MAPK8IP3: variants seen among roughly 807,000 people sequenced by gnomAD.
MAPK8IP3 encodes the protein C-Jun-amino-terminal kinase-interacting protein 3.
Under a neutral mutation model 157.8 loss-of-function variants are expected in MAPK8IP3, and 49 were observed. The ratio of observed to expected loss-of-function variants is 0.31; its 90% CI spans 0.25 to 0.39. MAPK8IP3 has a LOEUF of 0.39. Ranked by LOEUF, MAPK8IP3 falls within the 10% of genes least tolerant of loss-of-function variation. MAPK8IP3 has a pLI of 1.00. For synonymous variants in MAPK8IP3, 897 were observed against 777.7 expected, an observed-to-expected ratio of 1.15 and a Z score of -2.55; for missense variants, 1,478 against 1,889.4, an observed-to-expected ratio of 0.78 and a Z score of 4.04.
chr16:1,736,154 C>CCGTCCGTGTGAG (rs1263303306), intron 4 of MAPK8IP3, among the ~76,000 whole-genome samples: 2 of 113,372 alleles, frequency 1.8e-5, no homozygotes, highest in African/African-American at 6.9e-5. Flanking sequence ...ATCTGTGTGA[C>CCGTCCGTGTGAG]CGTCCGTGTG....
Position 1,769,066 on chromosome 16 carries a change from C to T in MAPK8IP3, c.*242C>T. 3.6e-6 allele frequency: 2 copies of T among 557,376 alleles called. No individual in the cohort carries two copies. Among genetic ancestry groups the T allele is most frequent in the Non-Finnish European group, 6.4e-6 (2 of 312,154 alleles). 34.5% of individuals were successfully genotyped at this position (557,376 alleles called of 1,614,324 possible). On this transcript the variant is annotated 3_prime_UTR_variant, in exon 32 of 32. Coordinates refer to ENST00000610761, the MANE Select transcript of MAPK8IP3 (RefSeq NM_001318852.2). Reference sequence around the variant, plus strand: ...GCTCTCGGGACAGTTTCCCGGGCAGCTCCTGGCCAGCTTCCAGCCCAGAGT... The same window carrying T: ...GCTCTCGGGACAGTTTCCCGGGCAGTTCCTGGCCAGCTTCCAGCCCAGAGT...
chr16:1,747,700 C>T (rs2041050422), intron 6 of MAPK8IP3, among the ~76,000 whole-genome samples: 1 of 152,190 alleles, frequency 6.6e-6, no homozygotes, highest in Non-Finnish European at 1.5e-5. Flanking sequence ...CACCCCACGG[C>T]ACACAGCCCC....
chr16:1,729,692 G>T, intron 4 of MAPK8IP3, 114 bp downstream of exon 4: 1 of 994,730 alleles, frequency 1.0e-6, no homozygotes, highest in Non-Finnish European at 1.5e-6. Context: ...CTGGGCTCAG[G>T]ACGACAGGGA....
Position 1,768,287 on chromosome 16 carries a change from C to A in MAPK8IP3, c.3651C>A (p.Ala1217=), listed in dbSNP as rs776248630. Residue 1217 remains alanine (A), a synonymous_variant, in exon 30 of 32, where the codon GCC becomes GCA. Coordinates refer to ENST00000610761, the MANE Select transcript of MAPK8IP3 (RefSeq NM_001318852.2). ...GCGATGACAGCAGTGACAGGGCGGC[C>A]AGCAGCTTCATCCCCTACTGCTCCA... ...VYGDDSSDRA[A]SSFIPYCSMA... is the part of the protein sequence containing the mutation. 6.2e-7 allele frequency: 1 copy of A among 1,611,224 alleles called. No individual in the cohort carries two copies. The highest frequency in any genetic ancestry group is 8.5e-7 in the Non-Finnish European group (1 of 1,179,998).
At chr16:1,758,281 G>A (rs1195005630) in intron 9 of MAPK8IP3, 122 bp downstream of exon 9, 13 of 1,156,802 alleles carry the variant, frequency 1.1e-5, no homozygotes, top group African/African-American at 6.1e-5. Context: ...TCGCCGCAGC[G>A]CCTCTGCTTC....
intron 10 of MAPK8IP3, 124 bp downstream of exon 10, chr16:1,759,119 G>A (rs1473115634): frequency 4.6e-6 from 6 of 1,301,068 alleles, no homozygotes; most frequent in Middle Eastern, 1.8e-4. Flanking sequence ...GGTCAGGGGG[G>A]CAGCCCTGAG....
intron 4 of MAPK8IP3, among the ~76,000 whole-genome samples, chr16:1,730,640 G>T (rs747423622): frequency 3.3e-5 from 5 of 151,930 alleles, no homozygotes; most frequent in Non-Finnish European, 4.4e-5. Context: ...TCAGGAGATC[G>T]AGACCATCCT....
rs1391309906 is a variant in MAPK8IP3, at chr16:1,769,890, C to G, written c.*1066C>G. On this transcript the variant is annotated 3_prime_UTR_variant, in exon 32 of 32. Transcript: ENST00000610761. ...AGGCCCGTGGGGCTGAGGATGGAGC[C>G]GCCCCCAGCCGACTCCAAGCCCGCA... 2 of 152,294 alleles carry G rather than the reference C, an allele frequency of 1.3e-5. No homozygotes were observed. Among genetic ancestry groups the G allele is most frequent in the Non-Finnish European group, 2.9e-5 (2 of 68,132 alleles). The allele number at this position is 152,294 out of a possible 1,614,324, so 9.4% of individuals were successfully genotyped here.
chr16:1,767,384 G>T, intron 26 of MAPK8IP3, 87 bp downstream of exon 26: 1 of 1,570,168 alleles, frequency 6.4e-7, no homozygotes, highest in Non-Finnish European at 8.7e-7. Context: ...AGTCCACGAG[G>T]CCCTACGTGG....
chr16:1,743,247 A>C lies in MAPK8IP3; in HGVS notation c.603-85A>C. ...TGGCATGGAGCGGCCCCATCACTCGAGGTCTGCTTGCCCTGGGAGGGCTTG... is the reference window on the plus strand; with the variant it reads ...TGGCATGGAGCGGCCCCATCACTCGCGGTCTGCTTGCCCTGGGAGGGCTTG... On this transcript the variant is annotated intron_variant, in intron 4 of 31. Coordinates refer to ENST00000610761, the MANE Select transcript of MAPK8IP3 (RefSeq NM_001318852.2). This position sits in a 1 kb window ranked among gnomAD's most constrained non-coding sequence, Gnocchi z 5.6. 4 of 1,451,856 alleles carry C rather than the reference A, an allele frequency of 2.8e-6. No homozygotes were observed. Among genetic ancestry groups the C allele is most frequent in the Non-Finnish European group, 3.6e-6 (4 of 1,109,600 alleles). The allele number at this position is 1,451,856 out of a possible 1,614,324, so 89.9% of individuals were successfully genotyped here.
At chr16:1,728,062 A>C (rs1462676813) in intron 2 of MAPK8IP3, among the ~76,000 whole-genome samples, 2 of 152,226 alleles carry the variant, frequency 1.3e-5, no homozygotes, top group Non-Finnish European at 2.9e-5. Context: ...GCTGCAGGAC[A>C]GAGCTGAGGT....
rs2040695205 is a variant in MAPK8IP3, at chr16:1,741,739, G to A, written c.603-1593G>A. On this transcript the variant is annotated intron_variant, in intron 4 of 31. Transcript: ENST00000610761. This position sits in a 1 kb window ranked among gnomAD's most constrained non-coding sequence, Gnocchi z 6.9. ...CTTCACGGTGGCCAGGGAACCTCAT[G>A]GCTGTTGTCACAACAGCTTGAGTGC... 6.6e-6 allele frequency among the ~76,000 whole-genome samples: 1 copy of A among 152,118 alleles called. No individual in the cohort carries two copies. Among genetic ancestry groups the A allele is most frequent in the Non-Finnish European group, 1.5e-5 (1 of 68,002 alleles).
chr16:1,716,197 A>G (rs2038137189), intron 1 of MAPK8IP3, among the ~76,000 whole-genome samples: 1 of 152,112 alleles, frequency 6.6e-6, no homozygotes, highest in African/African-American at 2.4e-5. Context: ...AAAGTCAGTC[A>G]CTGCGTTAAC....
intron 8 of MAPK8IP3, among the ~76,000 whole-genome samples, chr16:1,756,026 C>T (rs937362502): frequency 1.3e-5 from 2 of 152,128 alleles, no homozygotes; most frequent in Non-Finnish European, 2.9e-5. Flanking sequence ...TGCTGCCCTA[C>T]GTGCCAGCCA....
rs922489909 is a variant in MAPK8IP3, at chr16:1,741,178, C to G, written c.603-2154C>G. On this transcript the variant is annotated intron_variant, in intron 4 of 31. Transcript: ENST00000610761. This position sits in a 1 kb window ranked among gnomAD's most constrained non-coding sequence, Gnocchi z 6.9. ...ACACACCCATGACCCCCAAGGGCAG[C>G]GTGACCCCCGAGGGTGGCGTGACCC... is the stretch of plus-strand genomic sequence containing the variant. Among the ~76,000 whole-genome samples the G allele has an allele frequency of 2.6e-5, 4 of 152,104 alleles. No individual in the cohort carries two copies. The highest frequency in any genetic ancestry group is 9.7e-5 in the African/African-American group (4 of 41,430).
chr16:1,736,965 CGT>C (rs750522751), intron 4 of MAPK8IP3, among the ~76,000 whole-genome samples: 2 of 59,528 alleles, frequency 3.4e-5, no homozygotes, highest in African/African-American at 6.7e-5. Flanking sequence ...TGTGACCGTC[CGT>C]GTGACCGTCC....
Position 1,729,280 on chromosome 16 carries a change from C to G in MAPK8IP3, c.510+72C>G, listed in dbSNP as rs931571549. ...CGCGGCCTGACGCCTGCGACTCTTG[C>G]GGACCGTGGTTTTCTTCCCTGGCAT... On this transcript the variant is annotated intron_variant, in intron 3 of 31. Coordinates refer to ENST00000610761, the MANE Select transcript of MAPK8IP3 (RefSeq NM_001318852.2). 5 of 1,532,364 alleles carry G rather than the reference C, an allele frequency of 3.3e-6. No individual in the cohort carries two copies. In the South Asian group the frequency reaches 4.5e-5, roughly 14 times the overall value. 94.9% of individuals were successfully genotyped at this position (1,532,364 alleles called of 1,614,324 possible).
At chr16:1,762,626 G>C (rs1388124683) in intron 14 of MAPK8IP3, 49 bp from the exon 15 acceptor site, 1 of 1,543,740 alleles carries the variant, frequency 6.5e-7, no homozygotes, top group African/African-American at 1.4e-5. Flanking sequence ...TCGCAGGTAA[G>C]GGAGGCGTGA....
rs377633995 is a variant in MAPK8IP3, at chr16:1,739,815, CGT to C, written c.603-3513_603-3512del. ...GCATCCGTGTGACCATCCGTGTGAGCGTGTGAGCATCCGTGTGACCGTCCGTG... is the reference window on the plus strand; with the variant it reads ...GCATCCGTGTGACCATCCGTGTGAGCGTGAGCATCCGTGTGACCGTCCGTG... On this transcript the variant is annotated intron_variant, in intron 4 of 31. Transcript: ENST00000610761. 1.5e-3 allele frequency among the ~76,000 whole-genome samples: 154 copies of C among 104,234 alleles called. 1 individual carries two copies. Among genetic ancestry groups the C allele is most frequent in the Non-Finnish European group, 2.1e-3 (114 of 53,172 alleles). The allele number at this position is 104,234 out of a possible 152,430, so 68.4% of individuals were successfully genotyped here.
Sources: gnomAD v4.1 joint callset for allele counts (sites outside exome capture counted in the v4.1 genomes callset) on GRCh38, gnomAD v4.1.1 for gene constraint, Gnocchi (gnomAD v3.1) non-coding constraint, MANE v1.5 for transcripts, NCBI Gene and HGNC (gene_info 2026-07-23, HGNC 2026-07-21) for gene names.